The following CCR9 variants were observed in gnomAD, a reference collection of about 807,000 sequenced individuals.
CCR9 encodes C-C chemokine receptor type 9.
In CCR9, 4 loss-of-function variants were observed where a neutral mutation model predicts 8.7. That is an observed-to-expected ratio of 0.46 (90% CI 0.23 to 1.06). The LOEUF (loss-of-function observed/expected upper bound fraction) is 1.06. Ranked by LOEUF, CCR9 falls within the 50% of genes least tolerant of loss-of-function variation. The probability of loss-of-function intolerance (pLI) is 0.21; values close to 1 mark genes in which losing one functional copy is unlikely to be tolerated. For synonymous variants in CCR9, 159 were observed against 168.8 expected (o/e 0.94, Z 0.45); for missense variants, 394 against 453.6 (o/e 0.87, Z 1.19).
intron 1 of CCR9, among the ~76,000 whole-genome samples, chr3:45,892,412 A>T (rs1350352026): frequency 6.6e-6 from 1 of 152,204 alleles, no homozygotes; most frequent in African/African-American, 2.4e-5. Context: ...CCTTTGAAGC[A>T]ACATGGATGG....
chr3:45,892,465 A>G (rs1420304126), intron 1 of CCR9, among the ~76,000 whole-genome samples: 1 of 152,162 alleles, frequency 6.6e-6, no homozygotes, highest in African/African-American at 2.4e-5. Flanking sequence ...CAGAACAGAA[A>G]AACAAATGTC....
At chr3:45,899,678 T>C (rs183189457) in intron 2 of CCR9, among the ~76,000 whole-genome samples, 7 of 152,276 alleles carry the variant, frequency 4.6e-5, no homozygotes, top group East Asian at 3.9e-4. Context: ...AGAAGGAAAC[T>C]GGTGGGAAGT....
intron 2 of CCR9, among the ~76,000 whole-genome samples, chr3:45,898,363 C>G (rs183962249): frequency 5.9e-5 from 9 of 152,196 alleles, no homozygotes; most frequent in Non-Finnish European, 2.9e-5. Flanking sequence ...TCTGTCCTCT[C>G]GAGAGACTGG....
At chr3:45,894,425 C>T (rs1702285524) in intron 1 of CCR9, among the ~76,000 whole-genome samples, 2 of 152,152 alleles carry the variant, frequency 1.3e-5, no homozygotes, top group Non-Finnish European at 1.5e-5. Flanking sequence ...GTCCAGAGCC[C>T]AGGGCATTCT....
rs200200496 is a variant in CCR9 at position 45,901,074 on chromosome 3, C to A, written c.286C>A (p.Leu96Ile). The A allele has an allele frequency of 6.2e-7, 1 of 1,614,192 alleles. No homozygotes were observed. Among genetic ancestry groups the A allele is most frequent in the East Asian group, 2.2e-5 (1 of 44,882 alleles). ...FLLNLAIADLLFLVTLPFWAI... is the reference protein window; with the variant it reads ...FLLNLAIADLIFLVTLPFWAI... ...TTTGAATTTGGCAATTGCTGACCTC[C>A]TCTTTCTTGTCACTCTTCCCTTCTG... Residue 96 changes from leucine (L) to isoleucine (I), a missense_variant, in exon 3 of 3, where the codon CTC becomes ATC. Leu to Ile is a conservative substitution (Grantham distance 5). Coordinates refer to ENST00000357632, the MANE Select transcript of CCR9 (RefSeq NM_031200.3). The surrounding 1 kb of genome is among the most constrained non-coding windows in gnomAD (Gnocchi z 4.3).
chr3:45,897,916 C>T (rs1050706916), intron 2 of CCR9, among the ~76,000 whole-genome samples: 2 of 141,620 alleles, frequency 1.4e-5, no homozygotes, highest in Admixed American at 7.5e-5. Context: ...AGGCTGCTTG[C>T]GATTTGCTTC....
In CCR9 at chr3:45,900,067, T is replaced by C. The variant is rs915969822; in HGVS notation, c.22-743T>C. Among the ~76,000 whole-genome samples, 1 of 152,206 alleles carries C rather than the reference T, an allele frequency of 6.6e-6. No individual in the cohort carries two copies. Among genetic ancestry groups the C allele is most frequent in the African/African-American group, 2.4e-5 (1 of 41,452 alleles). ...GTGTATGCATGTACATATGAGTGTG[T>C]GTGCTTGTTGGGGCCAGCTTCATGG... On this transcript the variant is annotated intron_variant, in intron 2 of 2. Transcript: ENST00000357632. The surrounding 1 kb of genome is among the most constrained non-coding windows in gnomAD (Gnocchi z 4.7).
chr3:45,901,781 C>T lies in CCR9; in HGVS notation c.993C>T (p.Thr331=), dbSNP rs752484883. ...GATTCCGCCGGGATCTCGTGAAAACCCTGAAGAACTTGGGTTGCATCAGCC... is the reference window on the plus strand; with the variant it reads ...GATTCCGCCGGGATCTCGTGAAAACTCTGAAGAACTTGGGTTGCATCAGCC... ...GERFRRDLVK[T]LKNLGCISQA... Residue 331 remains threonine, a synonymous_variant, in exon 3 of 3, where the codon ACC becomes ACT. Transcript: ENST00000357632. The surrounding 1 kb of genome is among the most constrained non-coding windows in gnomAD (Gnocchi z 4.3). 1.4e-5 allele frequency: 23 copies of T among 1,613,958 alleles called. No homozygotes were observed. In the African/African-American group the frequency reaches 1.6e-4, roughly 11 times the overall value.
chr3:45,890,271 C>A (rs376262611), intron 1 of CCR9, among the ~76,000 whole-genome samples: 6,704 of 10,280 alleles, frequency 0.65, 2,356 homozygotes, highest in Middle Eastern at 0.8. Flanking sequence ...ATATATATAA[C>A]ATATATATAT....
intron 1 of CCR9, among the ~76,000 whole-genome samples, chr3:45,890,152 C>T (rs1702103642): frequency 1.4e-5 from 2 of 147,526 alleles, no homozygotes; most frequent in South Asian, 4.2e-4. Flanking sequence ...ATTCTTTCTT[C>T]TTTTTGTGGT....
chr3:45,893,688 TA>T (rs1423379499), intron 1 of CCR9, among the ~76,000 whole-genome samples: 2 of 152,254 alleles, frequency 1.3e-5, no homozygotes, highest in Non-Finnish European at 2.9e-5. Flanking sequence ...ATCCATTTAC[TA>T]CTTGATGGAC....
chr3:45,897,909 C>T (rs180682570), intron 2 of CCR9, among the ~76,000 whole-genome samples: 2 of 145,986 alleles, frequency 1.4e-5, no homozygotes, highest in East Asian at 4.2e-4. Flanking sequence ...ATCTGTGAGG[C>T]TGCTTGCGAT....
At chr3:45,898,493 C>T (rs557616816) in intron 2 of CCR9, among the ~76,000 whole-genome samples, 23 of 152,338 alleles carry the variant, frequency 1.5e-4, no homozygotes, top group East Asian at 7.7e-4. Flanking sequence ...TAGTTCTTTG[C>T]GTTTGTGGGC....
rs755014493 is a variant in CCR9 at position 45,901,634 on chromosome 3, T to A, written c.846T>A (p.Tyr282Ter). ...CILLVQTIDA[Y>*]AMFISNCAVS... Reference sequence around the variant, plus strand: ...TGTTGGTGCAGACCATTGACGCCTATGCCATGTTCATCTCCAACTGTGCCG... The same window carrying A: ...TGTTGGTGCAGACCATTGACGCCTAAGCCATGTTCATCTCCAACTGTGCCG... The change falls in exon 3 of 3, where the codon TAT becomes TAA. Residue 282 changes from tyrosine to a stop codon, truncating the protein, a stop_gained. Coordinates refer to ENST00000357632, the MANE Select transcript of CCR9 (RefSeq NM_031200.3). LOFTEE classifies it high-confidence loss of function. The surrounding 1 kb of genome is among the most constrained non-coding windows in gnomAD (Gnocchi z 4.3). The A allele has an allele frequency of 1.9e-6, 3 of 1,614,232 alleles. No homozygotes were observed. The highest frequency in any genetic ancestry group is 1.7e-6 in the Non-Finnish European group (2 of 1,180,014).
At chr3:45,890,914 C>T (rs966334421) in intron 1 of CCR9, among the ~76,000 whole-genome samples, 2 of 152,108 alleles carry the variant, frequency 1.3e-5, no homozygotes, top group Admixed American at 6.5e-5. Flanking sequence ...GTTCATAATC[C>T]GTTAGGTGGG....
chr3:45,898,473 G>A (rs1213092274), intron 2 of CCR9, among the ~76,000 whole-genome samples: 2 of 152,218 alleles, frequency 1.3e-5, no homozygotes, highest in East Asian at 3.8e-4. Flanking sequence ...ATAGGGAGAC[G>A]AGTTTTCTTT....
At chr3:45,898,099 G>A (rs186126983) in intron 2 of CCR9, among the ~76,000 whole-genome samples, 3 of 151,280 alleles carry the variant, frequency 2.0e-5, no homozygotes, top group Admixed American at 2.0e-4. Context: ...TTGCTCATCT[G>A]CATTGTTTTA....
chr3:45,899,361 T>C (rs1443583198), intron 2 of CCR9, among the ~76,000 whole-genome samples: 1 of 152,232 alleles, frequency 6.6e-6, no homozygotes, highest in Non-Finnish European at 1.5e-5. Context: ...TTACAATGTA[T>C]ACAGATAGGG....
intron 1 of CCR9, among the ~76,000 whole-genome samples, chr3:45,891,371 G>A (rs1702174327): frequency 6.6e-6 from 1 of 152,120 alleles, no homozygotes; most frequent in Non-Finnish European, 1.5e-5. Context: ...TGTAAAGAAT[G>A]CTTATAAACC....
Sources: allele counts gnomAD v4.1 joint callset (sites outside exome capture counted in the v4.1 genomes callset), GRCh38; gene constraint gnomAD v4.1.1; non-coding constraint Gnocchi (gnomAD v3.1); transcripts MANE v1.5; gene names NCBI Gene and HGNC (gene_info 2026-07-23, HGNC 2026-07-21).